MCTP1: variants seen among roughly 807,000 people sequenced by gnomAD.
MCTP1 encodes multiple C2 and transmembrane domain containing 1.
In MCTP1, 69 loss-of-function variants were observed where a neutral mutation model predicts 120.6. The observed-to-expected ratio is 0.57, with a 90% CI of 0.47 to 0.70. The LOEUF (loss-of-function observed/expected upper bound fraction) is 0.70. Among genes scored for constraint, MCTP1 ranks in the 30% least tolerant of loss-of-function variants. MCTP1 has a pLI of 0.00. For missense variants in MCTP1, 1,203 were observed against 1,248.8 expected (o/e 0.96, Z 0.55); for synonymous variants, 529 against 493.1 (o/e 1.07, Z -0.96).
At chr5:94,860,007 T>C (rs1795452604) in intron 17 of MCTP1, among the ~76,000 whole-genome samples, 1 of 151,724 alleles carries the variant, frequency 6.6e-6, no homozygotes, top group South Asian at 2.1e-4. Flanking sequence ...GAAAATGCAT[T>C]AAGATTATTT....
intron 1 of MCTP1, among the ~76,000 whole-genome samples, chr5:95,222,047 ATT>A (rs1753753233): frequency 6.6e-6 from 1 of 152,258 alleles, no homozygotes; most frequent in Non-Finnish European, 1.5e-5. Context: ...AAATAAACTG[ATT>A]AAATACTATC....
chr5:95,092,686 AAAAGAAAAAAAG>A (rs1289578320), intron 1 of MCTP1, among the ~76,000 whole-genome samples: 1 of 152,172 alleles, frequency 6.6e-6, no homozygotes, highest in East Asian at 1.9e-4. Flanking sequence ...TAATGAAAGA[AAAAGAAAAAAAG>A]AAAGAAAAAG....
chr5:94,994,865 C>T (rs1832303926), intron 2 of MCTP1, among the ~76,000 whole-genome samples: 1 of 152,150 alleles, frequency 6.6e-6, no homozygotes, highest in Non-Finnish European at 1.5e-5. Flanking sequence ...CATCTTTCTC[C>T]CATGCTGGAT....
chr5:94,943,166 G>A (rs936454191), intron 3 of MCTP1, among the ~76,000 whole-genome samples: 5 of 152,030 alleles, frequency 3.3e-5, no homozygotes, highest in Non-Finnish European at 7.4e-5. Flanking sequence ...AGTTATAAGT[G>A]CTATGGAGCA....
Position 94,867,227 on chromosome 5 carries a change from T to C in MCTP1, c.2436+1106A>G, listed in dbSNP as rs535162024. On this transcript the variant is annotated intron_variant, in intron 17 of 22. Coordinates refer to ENST00000515393, the MANE Select transcript of MCTP1 (RefSeq NM_024717.7). ...GACAGAGAGAGAGAGATTTTTTTTC[T>C]AAAACTTAACGATAATGACAATTGC... 4.2e-6 allele frequency: 6 copies of C among 1,421,324 alleles called. No individual in the cohort carries two copies. The African/African-American group carries it at 5.8e-5, about 14-fold the overall frequency. 88.0% of individuals were successfully genotyped at this position (1,421,324 alleles called of 1,614,324 possible).
chr5:95,174,847 G>A (rs899346117), intron 1 of MCTP1, among the ~76,000 whole-genome samples: 2 of 152,156 alleles, frequency 1.3e-5, no homozygotes, highest in Non-Finnish European at 2.9e-5. Context: ...TATTTATGAA[G>A]TTCATGTGTA....
intron 19 of MCTP1, among the ~76,000 whole-genome samples, chr5:94,776,594 TATTA>T (rs1775383952): frequency 1.3e-5 from 2 of 152,144 alleles, no homozygotes; most frequent in Non-Finnish European, 2.9e-5. Context: ...TTGGCACATT[TATTA>T]ATCTTTTTTA....
At chr5:95,204,407 C>T (rs985788583) in intron 1 of MCTP1, among the ~76,000 whole-genome samples, 3 of 152,098 alleles carry the variant, frequency 2.0e-5, no homozygotes, top group African/African-American at 7.2e-5. Flanking sequence ...CTCATAGCTA[C>T]CCAGCATCAT....
intron 1 of MCTP1, chr5:95,081,777 T>C: frequency 8.9e-7 from 1 of 1,118,182 alleles, no homozygotes; most frequent in Non-Finnish European, 1.1e-6. Flanking sequence ...ACAAACATCA[T>C]ATCTGGGGTT....
intron 10 of MCTP1, among the ~76,000 whole-genome samples, chr5:94,905,514 A>C (rs945043661): frequency 6.6e-6 from 1 of 152,214 alleles, no homozygotes; most frequent in Non-Finnish European, 1.5e-5. Context: ...CTTTGACCAC[A>C]ATGATAATGA....
intron 1 of MCTP1, among the ~76,000 whole-genome samples, chr5:95,101,617 A>C (rs1458883042): frequency 6.6e-6 from 1 of 152,194 alleles, no homozygotes; most frequent in East Asian, 1.9e-4. Context: ...ATGTGTGCCC[A>C]GGGAAAGGGG....
intron 1 of MCTP1, among the ~76,000 whole-genome samples, chr5:95,051,372 C>T (rs1331651168): frequency 2.0e-5 from 3 of 152,084 alleles, no homozygotes; most frequent in Non-Finnish European, 4.4e-5. Context: ...CATTAAGACA[C>T]TACAGACTAA....
At chr5:95,059,121 AG>A (rs1264784560) in intron 1 of MCTP1, among the ~76,000 whole-genome samples, 2 of 152,186 alleles carry the variant, frequency 1.3e-5, no homozygotes, top group Admixed American at 1.3e-4. Flanking sequence ...ATGCACTTGT[AG>A]GTCCATCACA....
intron 1 of MCTP1, among the ~76,000 whole-genome samples, chr5:95,177,034 T>TGAGA (rs149455367): frequency 2.7e-5 from 4 of 149,438 alleles, no homozygotes; most frequent in Non-Finnish European, 6.0e-5. Flanking sequence ...CCAGCTAATT[T>TGAGA]GAGAGAGAGA....
chr5:94,809,724 TTA>T (rs1215892466), intron 17 of MCTP1, among the ~76,000 whole-genome samples: 1 of 152,100 alleles, frequency 6.6e-6, no homozygotes, highest in Non-Finnish European at 1.5e-5. Context: ...GGAATTGATA[TTA>T]TGTGGCCTGT....
chr5:94,743,935 G>C (rs918648359), intron 19 of MCTP1, among the ~76,000 whole-genome samples: 5 of 151,266 alleles, frequency 3.3e-5, no homozygotes, highest in African/African-American at 1.2e-4. Flanking sequence ...CACTGTGCCC[G>C]GCCAAAATCC....
chr5:94,833,193 T>A (rs1221938669), intron 17 of MCTP1, among the ~76,000 whole-genome samples: 1 of 152,096 alleles, frequency 6.6e-6, no homozygotes, highest in Non-Finnish European at 1.5e-5. Flanking sequence ...GGTCAATAAG[T>A]TTTGTGTGCT....
chr5:95,088,826 A>T (rs940000540), intron 1 of MCTP1, among the ~76,000 whole-genome samples: 5 of 152,214 alleles, frequency 3.3e-5, no homozygotes, highest in African/African-American at 1.2e-4. Flanking sequence ...AAGAAAGGTT[A>T]AGCAACTTGC....
intron 1 of MCTP1, among the ~76,000 whole-genome samples, chr5:95,038,576 G>C (rs948149989): frequency 1.3e-5 from 2 of 152,142 alleles, no homozygotes; most frequent in African/African-American, 4.8e-5. Flanking sequence ...GAGAGGGAAA[G>C]AGTAACCAGA....
Sources: gnomAD v4.1 joint callset for allele counts (sites outside exome capture counted in the v4.1 genomes callset) on GRCh38, gnomAD v4.1.1 for gene constraint, MANE v1.5 for transcripts, NCBI Gene and HGNC (gene_info 2026-07-23, HGNC 2026-07-21) for gene names.